The following KCTD5 variants were observed in gnomAD, a reference collection of about 807,000 sequenced individuals.
The protein encoded by KCTD5 is potassium channel tetramerization domain containing 5.
KCTD5 carries 12 observed loss-of-function variants against 27.9 expected under a neutral mutation model. The ratio of observed to expected loss-of-function variants is 0.43; its 90% CI spans 0.28 to 0.70. KCTD5 has a LOEUF of 0.70. KCTD5 is among the 30% of genes least tolerant of loss of function. KCTD5 has a pLI of 0.19. For synonymous variants in KCTD5, 147 were observed against 121.4 expected (o/e 1.21, Z -1.39); for missense variants, 226 against 274.8 (o/e 0.82, Z 1.26).
At chr16:2,695,411 C>T (rs1408603919) in intron 1 of KCTD5, among the ~76,000 whole-genome samples, 1 of 126,536 alleles carries the variant, frequency 7.9e-6, no homozygotes, top group African/African-American at 2.7e-5. Context: ...GGGCAGCCGC[C>T]CCTGCTGAAA....
At chr16:2,703,841 G>A (rs1337816640) in intron 5 of KCTD5, among the ~76,000 whole-genome samples, 3 of 152,102 alleles carry the variant, frequency 2.0e-5, no homozygotes, top group East Asian at 1.9e-4. Flanking sequence ...CGCCAGGCTC[G>A]GAGATGCTCT....
chr16:2,682,644 C>T lies in KCTD5; in HGVS notation c.96C>T (p.Leu32=), dbSNP rs769224642. ...TGTGCCGCCGCTGCAGCGCTGGGCT[C>T]GGCGCCCTGGCCCAGCGCCCTGGCA... is the stretch of plus-strand genomic sequence containing the variant. ...GGLCRRCSAG[L]GALAQRPGSV... The change falls in exon 1 of 6, where the codon CTC becomes CTT. Residue 32 remains leucine (L), a synonymous_variant. Transcript: ENST00000301738. The T allele has an allele frequency of 3.1e-6, 5 of 1,589,278 alleles. No homozygotes were observed. The highest frequency in any genetic ancestry group is 3.4e-6 in the Non-Finnish European group (4 of 1,170,278).
At chr16:2,684,432 A>G (rs1048443025) in intron 1 of KCTD5, 19 of 150,794 alleles carry the variant, frequency 1.3e-4, no homozygotes, top group Non-Finnish European at 2.1e-4. Context: ...GATCTCGTTC[A>G]AAACCAACCG....
intron 1 of KCTD5, chr16:2,684,433 A>G (rs2067531079): frequency 6.6e-6 from 1 of 150,492 alleles, no homozygotes; most frequent in South Asian, 2.1e-4. Context: ...ATCTCGTTCA[A>G]AACCAACCGG....
chr16:2,691,014 G>A (rs2067564255), intron 1 of KCTD5, among the ~76,000 whole-genome samples: 1 of 152,212 alleles, frequency 6.6e-6, no homozygotes, highest in East Asian at 1.9e-4. Flanking sequence ...GCCTGGGCTG[G>A]CACCACGAGT....
At chr16:2,701,940 G>A (rs2067613758) in intron 4 of KCTD5, among the ~76,000 whole-genome samples, 1 of 152,184 alleles carries the variant, frequency 6.6e-6, no homozygotes, top group Non-Finnish European at 1.5e-5. Context: ...GGACAGCACA[G>A]CTCCTCCAGC....
chr16:2,687,180 G>A (rs1032513274), intron 1 of KCTD5, among the ~76,000 whole-genome samples: 2 of 152,200 alleles, frequency 1.3e-5, no homozygotes, highest in African/African-American at 4.8e-5. Flanking sequence ...TTAGACCTTA[G>A]GCCACGAGTC....
intron 5 of KCTD5, among the ~76,000 whole-genome samples, chr16:2,705,363 C>G (rs1314177829): frequency 6.6e-6 from 1 of 152,168 alleles, no homozygotes; most frequent in African/African-American, 2.4e-5. Context: ...GAGGCAGATG[C>G]CCAGGGGCAG....
Position 2,707,965 on chromosome 16 carries a change from T to C in KCTD5, c.*638T>C. The C allele has an allele frequency of 6.4e-6, 1 of 155,792 alleles. No individual in the cohort carries two copies. The highest frequency in any genetic ancestry group is 2.0e-4 in the South Asian group (1 of 4,974). The allele number at this position is 155,792 out of a possible 1,614,324, so 9.7% of individuals were successfully genotyped here. On this transcript the variant is annotated 3_prime_UTR_variant, in exon 6 of 6. Coordinates refer to ENST00000301738, the MANE Select transcript of KCTD5 (RefSeq NM_018992.4). ...ACAGTCAAGGCTTCTCAATTTGTATTTTCCAGGCAAGAGAACTTTGTACCC... is the reference window on the plus strand; with the variant it reads ...ACAGTCAAGGCTTCTCAATTTGTATCTTCCAGGCAAGAGAACTTTGTACCC...
intron 1 of KCTD5, among the ~76,000 whole-genome samples, chr16:2,690,336 T>G (rs1015107199): frequency 3.3e-5 from 5 of 152,202 alleles, no homozygotes; most frequent in African/African-American, 1.2e-4. Flanking sequence ...GCAACTGTCC[T>G]GCCCGGCCTA....
intron 4 of KCTD5, among the ~76,000 whole-genome samples, chr16:2,701,692 A>G (rs894171514): frequency 2.0e-5 from 3 of 152,214 alleles, no homozygotes; most frequent in Non-Finnish European, 2.9e-5. Context: ...TGGCTTGGTC[A>G]TCTGCTGCTG....
intron 1 of KCTD5, among the ~76,000 whole-genome samples, chr16:2,692,429 G>A (rs916443906): frequency 6.6e-6 from 1 of 152,120 alleles, no homozygotes; most frequent in African/African-American, 2.4e-5. Context: ...GCAGAGAAGC[G>A]GCCCCGGACT....
chr16:2,684,051 C>T (rs1181835154), intron 1 of KCTD5: 3 of 151,498 alleles, frequency 2.0e-5, no homozygotes, highest in Non-Finnish European at 4.4e-5. Flanking sequence ...CAGGAAATGA[C>T]AGTCATCCCC....
At chr16:2,707,163 C>A in intron 5 of KCTD5, 135 bp from the exon 6 acceptor site, 1 of 731,096 alleles carries the variant, frequency 1.4e-6, no homozygotes, top group Non-Finnish European at 2.3e-6. Context: ...CCCCAAGACC[C>A]TGGCCAGTGC....
intron 3 of KCTD5, among the ~76,000 whole-genome samples, chr16:2,698,752 C>T (rs55839427): frequency 7.2e-5 from 11 of 152,250 alleles, no homozygotes; most frequent in East Asian, 3.9e-4. Flanking sequence ...GGCCACCTAG[C>T]GACTTGCCCA....
At chr16:2,700,406 G>A (rs1448666882) in intron 4 of KCTD5, among the ~76,000 whole-genome samples, 7 of 152,230 alleles carry the variant, frequency 4.6e-5, no homozygotes, top group Non-Finnish European at 8.8e-5. Context: ...CGGCGGGTGG[G>A]GTCTGATGGG....
chr16:2,693,587 G>A (rs56046076), intron 1 of KCTD5, among the ~76,000 whole-genome samples: 3,542 of 152,310 alleles, frequency 0.023, 155 homozygotes, highest in African/African-American at 0.079. Context: ...TGCAGTTTCC[G>A]CCGATGGCCG....
chr16:2,692,463 C>T (rs1164626774), intron 1 of KCTD5, among the ~76,000 whole-genome samples: 1 of 152,136 alleles, frequency 6.6e-6, no homozygotes, highest in Non-Finnish European at 1.5e-5. Context: ...CCATTGACTT[C>T]CCAGCTCTCA....
chr16:2,707,409 T>C lies in KCTD5; in HGVS notation c.*82T>C. The C allele has an allele frequency of 7.1e-7, 1 of 1,408,826 alleles. No homozygotes were observed. Among genetic ancestry groups the C allele is most frequent in the Non-Finnish European group, 1.0e-6 (1 of 992,838 alleles). The allele number at this position is 1,408,826 out of a possible 1,614,324, so 87.3% of individuals were successfully genotyped here. A position where few individuals can be genotyped will look rare whatever the true frequency, so the allele number is the denominator to read the frequency against. Reference sequence around the variant, plus strand: ...CTGCCATGTCCAGGAAGCTTGGCTGTGAGAAGAAACCTGCTTTTGATCATT... The same window carrying C: ...CTGCCATGTCCAGGAAGCTTGGCTGCGAGAAGAAACCTGCTTTTGATCATT... On this transcript the variant is annotated 3_prime_UTR_variant, in exon 6 of 6. Transcript: ENST00000301738.
Sources: gnomAD v4.1 joint callset for allele counts (sites outside exome capture counted in the v4.1 genomes callset) on GRCh38, gnomAD v4.1.1 for gene constraint, MANE v1.5 for transcripts, NCBI Gene and HGNC (gene_info 2026-07-23, HGNC 2026-07-21) for gene names.